Variants in ALDH3B1 observed in about 807,000 individuals in gnomAD.
The protein encoded by ALDH3B1 is aldehyde dehydrogenase 3 family member B1.
A neutral mutation model predicts 46.2 loss-of-function variants in ALDH3B1; 37 were observed. The ratio of observed to expected loss-of-function variants is 0.80; its 90% CI spans 0.62 to 1.05. The LOEUF (loss-of-function observed/expected upper bound fraction) is 1.05. ALDH3B1 is among the 50% of genes least tolerant of loss of function. The probability of loss-of-function intolerance (pLI) is 0.00; values close to 1 mark genes in which losing one functional copy is unlikely to be tolerated. For missense variants in ALDH3B1, 603 were observed against 665.5 expected (o/e 0.91, Z 1.03); for synonymous variants, 283 against 281.0 (o/e 1.01, Z -0.07).
At chr11:68,023,700 C>T (rs1857558146) in intron 8 of ALDH3B1, among the ~76,000 whole-genome samples, 1 of 152,102 alleles carries the variant, frequency 6.6e-6, no homozygotes, top group Non-Finnish European at 1.5e-5. Context: ...ATGTACCCCA[C>T]ACCTAATTTC....
chr11:68,026,598 C>G (rs961009243), intron 9 of ALDH3B1, among the ~76,000 whole-genome samples: 1 of 152,082 alleles, frequency 6.6e-6, no homozygotes, highest in South Asian at 2.1e-4. Flanking sequence ...AGAGCAGCCC[C>G]GATGCCACTG....
At chr11:68,010,747 C>G (rs992832434) in intron 1 of ALDH3B1, among the ~76,000 whole-genome samples, 18 of 152,360 alleles carry the variant, frequency 1.2e-4, no homozygotes, top group Admixed American at 5.2e-4. Flanking sequence ...ACTGTGCGCC[C>G]CTTCCCCACA....
intron 6 of ALDH3B1, among the ~76,000 whole-genome samples, chr11:68,020,699 G>T (rs1042325802): frequency 6.6e-6 from 1 of 152,208 alleles, no homozygotes; most frequent in African/African-American, 2.4e-5. Flanking sequence ...GAACCACAGA[G>T]CCCAGGAAGC....
chr11:68,023,701 A>G (rs573507965), intron 8 of ALDH3B1, among the ~76,000 whole-genome samples: 1 of 152,180 alleles, frequency 6.6e-6, no homozygotes, highest in South Asian at 2.1e-4. Context: ...TGTACCCCAC[A>G]CCTAATTTCC....
In ALDH3B1 at chr11:68,028,336, T is replaced by C; in HGVS notation, c.*397T>C. Reference sequence around the variant, plus strand: ...ACTGCATCCAAGGCCATTCCTGCCCTCTCTGAGTCTCAGTTTTTCCATTTG... The same window carrying C: ...ACTGCATCCAAGGCCATTCCTGCCCCCTCTGAGTCTCAGTTTTTCCATTTG... On this transcript the variant is annotated 3_prime_UTR_variant, in exon 10 of 10. Transcript: ENST00000342456. 1 of 369,706 alleles carries C rather than the reference T, an allele frequency of 2.7e-6. No individual in the cohort carries two copies. The highest frequency in any genetic ancestry group is 2.1e-5 in the South Asian group (1 of 47,448). 22.9% of individuals were successfully genotyped at this position (369,706 alleles called of 1,614,324 possible).
upstream of ALDH3B1, among the ~76,000 whole-genome samples, chr11:68,010,111 G>T (rs1857198063): frequency 6.6e-6 from 1 of 152,100 alleles, no homozygotes; most frequent in Non-Finnish European, 1.5e-5. Flanking sequence ...CTGCCCCTCA[G>T]CTCGGAGCTC....
chr11:68,027,794 CCTT>C lies in ALDH3B1; in HGVS notation c.1265_1267del (p.Phe422del). On this transcript the variant is annotated inframe_deletion, in exon 10 of 10. Transcript: ENST00000342456. ...TACCATGGCAAGTTCTCCTTCGACA[CCTT>C]CTCCCACCATCGCGCCTGCCTCCTG... The C allele has an allele frequency of 6.4e-7, 1 of 1,560,204 alleles. No homozygotes were observed. Among genetic ancestry groups the C allele is most frequent in the Non-Finnish European group, 8.7e-7 (1 of 1,150,976 alleles).
intron 8 of ALDH3B1, chr11:68,024,165 T>A (rs770507095): frequency 6.6e-6 from 1 of 152,224 alleles, no homozygotes; most frequent in Non-Finnish European, 1.5e-5. Flanking sequence ...CCTCAGGTCA[T>A]CTGGTGTATT....
rs572623163 is a variant in ALDH3B1 at position 68,019,258 on chromosome 11, G to A, written c.480+3G>A. On this transcript the variant is annotated splice_donor_region_variant and intron_variant, in intron 5 of 9. Coordinates refer to ENST00000342456, the MANE Select transcript of ALDH3B1 (RefSeq NM_000694.4). The stretch of plus-strand genomic sequence containing the variant: ...TGCTGCCCCAATACGTGGACCAGGT[G>A]AGCAGGGCTGCCGGGCAGGTAGAGC... 6.2e-7 allele frequency: 1 copy of A among 1,611,992 alleles called. No homozygotes were observed. Among genetic ancestry groups the A allele is most frequent in the South Asian group, 1.1e-5 (1 of 90,500 alleles).
intron 2 of ALDH3B1, 43 bp downstream of exon 2, chr11:68,015,502 G>C (rs1857332113): frequency 1.3e-6 from 2 of 1,557,442 alleles, no homozygotes; most frequent in South Asian, 2.4e-5. Flanking sequence ...CTGGGGCAGG[G>C]GGGCATGGAG....
chr11:68,018,297 T>C (rs1857396689), intron 2 of ALDH3B1: 1 of 560,240 alleles, frequency 1.8e-6, no homozygotes, highest in Non-Finnish European at 3.2e-6. Flanking sequence ...GTTCTCACTT[T>C]CACATGGAAC....
intron 6 of ALDH3B1, among the ~76,000 whole-genome samples, chr11:68,020,920 G>A (rs1454751583): frequency 6.6e-6 from 1 of 152,152 alleles, no homozygotes; most frequent in African/African-American, 2.4e-5. Context: ...TGGGCCCCTG[G>A]AGGCCAGCAC....
chr11:68,018,613 G>A lies in ALDH3B1; in HGVS notation c.249G>A (p.Lys83=), dbSNP rs765620459. The change falls in exon 3 of 10, where the codon AAG becomes AAA. Residue 83 remains lysine, a synonymous_variant. Coordinates refer to ENST00000342456, the MANE Select transcript of ALDH3B1 (RefSeq NM_000694.4). ...LALRNLRAWM[K]DERVPKNLAT... Reference sequence around the variant, plus strand: ...TCAGGAACCTCCGGGCCTGGATGAAGGACGAGCGTGTGCCCAAGAACCTGG... The same window carrying A: ...TCAGGAACCTCCGGGCCTGGATGAAAGACGAGCGTGTGCCCAAGAACCTGG... 6.3e-7 allele frequency: 1 copy of A among 1,579,370 alleles called. No homozygotes were observed. Among genetic ancestry groups the A allele is most frequent in the South Asian group, 1.2e-5 (1 of 86,062 alleles).
upstream of ALDH3B1, among the ~76,000 whole-genome samples, chr11:68,009,376 G>A (rs565751657): frequency 1.4e-4 from 21 of 152,314 alleles, no homozygotes; most frequent in African/African-American, 5.1e-4. Context: ...TGCAGAAGGG[G>A]AAACTGAGTC....
At chr11:68,009,746 G>A (rs112356410), upstream of ALDH3B1, among the ~76,000 whole-genome samples, 1,339 of 152,232 alleles carry the variant, frequency 8.8e-3, 10 homozygotes, top group Non-Finnish European at 0.013. Context: ...AGGTGGTGGC[G>A]CCAAGGTCTT....
intron 9 of ALDH3B1, 91 bp from the exon 10 acceptor site, chr11:68,027,658 T>A: frequency 7.5e-7 from 1 of 1,325,628 alleles, no homozygotes; most frequent in Non-Finnish European, 1.0e-6. Flanking sequence ...AAACTGAGGC[T>A]CAGAGGGGAG....
intron 2 of ALDH3B1, chr11:68,015,988 C>T (rs1422825302): frequency 1.2e-5 from 3 of 253,982 alleles, no homozygotes; most frequent in Non-Finnish European, 2.4e-5. Flanking sequence ...ATCGCTTGAA[C>T]CTGGGAGGTG....
At chr11:68,010,272 C>T (rs1857201439), upstream of ALDH3B1, 1 of 152,250 alleles carries the variant, frequency 6.6e-6, no homozygotes, top group Admixed American at 6.5e-5. Context: ...AGGCACGAGG[C>T]TAGGGCAACT....
chr11:68,026,957 C>A (rs1857639730), intron 9 of ALDH3B1, among the ~76,000 whole-genome samples: 1 of 152,138 alleles, frequency 6.6e-6, no homozygotes, highest in Non-Finnish European at 1.5e-5. Context: ...CAACCCGCCT[C>A]CCTGCCCTGG....
Sources: allele counts gnomAD v4.1 joint callset (sites outside exome capture counted in the v4.1 genomes callset), GRCh38; gene constraint gnomAD v4.1.1; transcripts MANE v1.5; gene names NCBI Gene and HGNC (gene_info 2026-07-23, HGNC 2026-07-21).